RBFOX1: variants seen among roughly 807,000 people sequenced by gnomAD.
The protein encoded by RBFOX1 is RNA binding fox-1 homolog 1.
RBFOX1 carries 8 observed loss-of-function variants against 57.7 expected under a neutral mutation model. The observed-to-expected ratio is 0.14, with a 90% CI of 0.08 to 0.25. The LOEUF (loss-of-function observed/expected upper bound fraction) is 0.25, where lower values mean the gene tolerates loss of function less well. RBFOX1 is among the 10% of genes least tolerant of loss of function. RBFOX1 has a pLI of 1.00. For missense variants in RBFOX1, 611 were observed against 548.5 expected (o/e 1.11, Z -1.14); for synonymous variants, 326 against 222.4 (o/e 1.47, Z -4.15).
rs560643664 is a variant in RBFOX1 at position 7,419,964 on chromosome 16, A to G, written c.28-98183A>G. On this transcript the variant is annotated intron_variant, in intron 4 of 15. Coordinates refer to ENST00000550418, the MANE Select transcript of RBFOX1 (RefSeq NM_018723.4). ...TTTTTTAATTGTTTTGGTTGGAAGAATAAGTATGGTTTTAGAACCCAGTTT... is the reference window on the plus strand; with the variant it reads ...TTTTTTAATTGTTTTGGTTGGAAGAGTAAGTATGGTTTTAGAACCCAGTTT... Among the ~76,000 whole-genome samples the G allele has an allele frequency of 8.3e-5, 12 of 145,210 alleles. No homozygotes were observed. In the Admixed American group the frequency reaches 8.3e-4, roughly 10 times the overall value.
At chr16:5,358,915 A>T (rs990786029) in intron 1 of RBFOX1, among the ~76,000 whole-genome samples, 7 of 152,154 alleles carry the variant, frequency 4.6e-5, no homozygotes, top group Admixed American at 1.3e-4. Flanking sequence ...CATCCTTTGT[A>T]TGTGTTTTGA....
At position 5,988,570 on chromosome 16, in the gene RBFOX1, G is replaced by A. The variant is rs8057243; in HGVS notation, c.351+121235G>A. Reference sequence around the variant, plus strand: ...GCTGTTACCCCCTTCCTGCCACCCTGCTTGGCGGCATGAGCCTCCACTGGG... The same window carrying A: ...GCTGTTACCCCCTTCCTGCCACCCTACTTGGCGGCATGAGCCTCCACTGGG... On this transcript the variant is annotated intron_variant, in intron 4 of 19. Transcript: ENST00000641259. Among the ~76,000 whole-genome samples the A allele has an allele frequency of 9.2e-3, 1,406 of 152,242 alleles. 21 individuals carry two copies. The highest frequency in any genetic ancestry group is 0.031 in the African/African-American group (1,297 of 41,542).
At chr16:6,104,507 A>T (rs2096354380) in intron 1 of RBFOX1, among the ~76,000 whole-genome samples, 1 of 152,178 alleles carries the variant, frequency 6.6e-6, no homozygotes, top group Non-Finnish European at 1.5e-5. Flanking sequence ...TTTACAGTCT[A>T]ATTTTAGAAC....
At chr16:5,268,332 A>G (rs550579153) in intron 1 of RBFOX1, among the ~76,000 whole-genome samples, 19 of 152,314 alleles carry the variant, frequency 1.2e-4, no homozygotes, top group Non-Finnish European at 2.6e-4. Flanking sequence ...CGTTTGAGAG[A>G]TTCCTCAGCA....
chr16:6,792,608 C>A (rs1407581935), intron 3 of RBFOX1, among the ~76,000 whole-genome samples: 3 of 152,098 alleles, frequency 2.0e-5, no homozygotes, highest in African/African-American at 7.2e-5. Context: ...GTCAGGGTTG[C>A]AAAAAGCCTT....
chr16:6,026,229 T>G (rs2095191336), intron 1 of RBFOX1, among the ~76,000 whole-genome samples: 1 of 152,252 alleles, frequency 6.6e-6, no homozygotes, highest in South Asian at 2.1e-4. Context: ...AGGTGGACCA[T>G]GCATACACCT....
At chr16:7,466,635 C>T (rs536422568) in intron 4 of RBFOX1, among the ~76,000 whole-genome samples, 22 of 152,290 alleles carry the variant, frequency 1.4e-4, no homozygotes, top group African/African-American at 4.8e-4. Flanking sequence ...GCTGTGTGTC[C>T]TTAGCAAGGC....
intron 2 of RBFOX1, among the ~76,000 whole-genome samples, chr16:6,591,678 A>G (rs143614108): frequency 9.8e-5 from 15 of 152,310 alleles, no homozygotes; most frequent in African/African-American, 3.1e-4. Flanking sequence ...CAACTCTAGT[A>G]TCTTCTGCTT....
At chr16:7,360,228 A>G (rs2097295713) in intron 4 of RBFOX1, among the ~76,000 whole-genome samples, 1 of 152,186 alleles carries the variant, frequency 6.6e-6, no homozygotes, top group Non-Finnish European at 1.5e-5. Flanking sequence ...ATTACATTTA[A>G]TAAACCTAGA....
In RBFOX1 at chr16:7,697,713, C is replaced by T. The variant is rs185428763; in HGVS notation, c.996-11343C>T. Among the ~76,000 whole-genome samples, 8 of 152,290 alleles carry T rather than the reference C, an allele frequency of 5.3e-5. No homozygotes were observed. The South Asian group carries it at 1.7e-3, about 32-fold the overall frequency. ...GCCAAAACCCTTCCCCTGGGTCACA[C>T]TGCCTCCACACACACCTTTTTCTTC... On this transcript the variant is annotated intron_variant, in intron 14 of 15. Transcript: ENST00000550418.
intron 2 of RBFOX1, among the ~76,000 whole-genome samples, chr16:5,505,387 C>T (rs1024939223): frequency 2.0e-5 from 3 of 152,150 alleles, no homozygotes; most frequent in Non-Finnish European, 2.9e-5. Context: ...AGAGTTTGTT[C>T]TATCTCATAT....
At chr16:5,713,654 C>T (rs529813914) in intron 3 of RBFOX1, among the ~76,000 whole-genome samples, 5 of 152,294 alleles carry the variant, frequency 3.3e-5, no homozygotes, top group Non-Finnish European at 4.4e-5. Flanking sequence ...ATGCTGCCCA[C>T]ACAGCAGGTT....
At chr16:7,505,744 C>T (rs1359127536) in intron 4 of RBFOX1, among the ~76,000 whole-genome samples, 1 of 152,172 alleles carries the variant, frequency 6.6e-6, no homozygotes, top group Non-Finnish European at 1.5e-5. Flanking sequence ...TGGCTTCCAT[C>T]CTCTCTCTGT....
chr16:7,116,242 C>T (rs1452389757), intron 4 of RBFOX1, among the ~76,000 whole-genome samples: 5 of 152,110 alleles, frequency 3.3e-5, no homozygotes, highest in Admixed American at 6.6e-5. Flanking sequence ...AGAGAGAAAG[C>T]CCATGCAGTA....
chr16:5,503,695 C>T (rs1274405595), intron 2 of RBFOX1, among the ~76,000 whole-genome samples: 2 of 152,132 alleles, frequency 1.3e-5, no homozygotes, highest in African/African-American at 4.8e-5. Context: ...CCATCTGCCT[C>T]GGCCTCCCAA....
In RBFOX1 at chr16:6,910,922, C is replaced by T. The variant is rs567291769; in HGVS notation, c.-15-141135C>T. Reference sequence around the variant, plus strand: ...TCTGTTAGTAAAGAGGAAGGAGGGTCAGGTGCAGAGGCTCACACCTGTAAT... The same window carrying T: ...TCTGTTAGTAAAGAGGAAGGAGGGTTAGGTGCAGAGGCTCACACCTGTAAT... On this transcript the variant is annotated intron_variant, in intron 3 of 15. Transcript: ENST00000550418. Among the ~76,000 whole-genome samples, 12 of 152,192 alleles carry T rather than the reference C, an allele frequency of 7.9e-5. No individual in the cohort carries two copies. In the South Asian group the frequency reaches 2.3e-3, roughly 29 times the overall value.
intron 3 of RBFOX1, among the ~76,000 whole-genome samples, chr16:6,890,107 A>T (rs1323536047): frequency 6.6e-6 from 1 of 152,236 alleles, no homozygotes; most frequent in Non-Finnish European, 1.5e-5. Flanking sequence ...AGTACAATAA[A>T]GGAAAATAAA....
At chr16:6,951,779 A>C (rs1224783604) in intron 3 of RBFOX1, among the ~76,000 whole-genome samples, 1 of 151,872 alleles carries the variant, frequency 6.6e-6, no homozygotes, top group African/African-American at 2.4e-5. Context: ...TTTCGCCCAG[A>C]CTGGAGTGCA....
intron 15 of RBFOX1, 126 bp from the exon 16 acceptor site, chr16:7,710,497 A>ATGGGTAGGGGGTGCCTCCATTTCGGT: frequency 6.4e-7 from 1 of 1,551,902 alleles, no homozygotes; most frequent in Non-Finnish European, 8.6e-7. Context: ...ATGACCTGGG[A>ATGGGTAGGGGGTGCCTCCATTTCGGT]TGGGTAGGGG....
Sources: allele counts gnomAD v4.1 joint callset (sites outside exome capture counted in the v4.1 genomes callset), GRCh38; gene constraint gnomAD v4.1.1; transcripts MANE v1.5; gene names NCBI Gene and HGNC (gene_info 2026-07-23, HGNC 2026-07-21).